Variants in SPARC observed in about 807,000 individuals in gnomAD.
The protein encoded by SPARC is basement-membrane protein 40.
A neutral mutation model predicts 37.7 loss-of-function variants in SPARC; 23 were observed. The ratio of observed to expected loss-of-function variants is 0.61; its 90% CI spans 0.44 to 0.87. The LOEUF is 0.87. SPARC is among the 40% of genes least tolerant of loss of function. SPARC has a pLI of 0.00. For synonymous variants in SPARC, 155 were observed against 150.8 expected (o/e 1.03, Z -0.20); for missense variants, 312 against 389.0 (o/e 0.80, Z 1.66).
intron 2 of SPARC, among the ~76,000 whole-genome samples, chr5:151,675,633 T>A (rs529222064): frequency 6.6e-6 from 1 of 152,298 alleles, no homozygotes; most frequent in Non-Finnish European, 1.5e-5. Flanking sequence ...CCTTTTCCAG[T>A]CCTCCCCAAG....
At chr5:151,666,264 G>T in intron 8 of SPARC, 97 bp downstream of exon 8, 1 of 1,246,800 alleles carries the variant, frequency 8.0e-7, no homozygotes. Flanking sequence ...GTGGATGCCA[G>T]GGCTTGGAGC....
chr5:151,667,270 G>A (rs565450743), intron 7 of SPARC, among the ~76,000 whole-genome samples, 197 bp downstream of exon 7: 7 of 152,326 alleles, frequency 4.6e-5, no homozygotes, highest in African/African-American at 1.7e-4. Flanking sequence ...GGTCTCTGCT[G>A]CAGGACTTCT....
chr5:151,676,059 G>A, intron 2 of SPARC, 73 bp downstream of exon 2: 1 of 1,274,690 alleles, frequency 7.8e-7, no homozygotes, highest in South Asian at 1.3e-5. Context: ...CAGCATCCAG[G>A]GCTGGCAGGC....
At chr5:151,664,739 T>C (rs1760587017) in intron 8 of SPARC, among the ~76,000 whole-genome samples, 1 of 152,148 alleles carries the variant, frequency 6.6e-6, no homozygotes, top group African/African-American at 2.4e-5. Context: ...TGCTGCCTTC[T>C]GGGGAGGAAT....
At chr5:151,663,945 C>T in intron 9 of SPARC, 142 bp downstream of exon 9, 1 of 987,740 alleles carries the variant, frequency 1.0e-6, no homozygotes, top group Non-Finnish European at 1.5e-6. Flanking sequence ...AGACAGGAGT[C>T]AAATAGGCAG....
chr5:151,682,303 T>C (rs1019955536), intron 1 of SPARC, among the ~76,000 whole-genome samples: 3 of 152,208 alleles, frequency 2.0e-5, no homozygotes, highest in Non-Finnish European at 4.4e-5. Context: ...CACATTTCAC[T>C]GTGGCTAGCA....
At chr5:151,680,527 T>C (rs757097073) in intron 1 of SPARC, among the ~76,000 whole-genome samples, 2 of 152,206 alleles carry the variant, frequency 1.3e-5, no homozygotes, top group Non-Finnish European at 2.9e-5. Flanking sequence ...TGAGCCACCA[T>C]GCCCATCTAT....
At chr5:151,665,929 T>C (rs762713666) in intron 8 of SPARC, among the ~76,000 whole-genome samples, 2 of 152,172 alleles carry the variant, frequency 1.3e-5, no homozygotes, top group African/African-American at 2.4e-5. Flanking sequence ...CCAGGGTCAG[T>C]TGGGCCCTAT....
In SPARC at chr5:151,680,335, CT is replaced by C. The variant is rs537211907; in HGVS notation, c.-13-4135del. Among the ~76,000 whole-genome samples the C allele has an allele frequency of 6.7e-4, 94 of 141,092 alleles. 1 individual carries two copies. Among genetic ancestry groups the C allele is most frequent in the Middle Eastern group, 3.9e-3 (1 of 254 alleles). 92.6% of individuals were successfully genotyped at this position (141,092 alleles called of 152,430 possible). ...CTCTGCCTCCTGGGCTCAAGTGATT[CT>C]CCCATCTCAGCCTCCCGAGTAGCTG... On this transcript the variant is annotated intron_variant, in intron 1 of 9. Coordinates refer to ENST00000231061, the MANE Select transcript of SPARC (RefSeq NM_003118.4).
At chr5:151,667,356 G>T in intron 7 of SPARC, 111 bp downstream of exon 7, 1 of 1,232,888 alleles carries the variant, frequency 8.1e-7, no homozygotes, top group Non-Finnish European at 1.2e-6. Context: ...GTGCTCAGGG[G>T]TAAATGCACG....
intron 4 of SPARC, 128 bp downstream of exon 4, chr5:151,673,001 T>A: frequency 1.4e-6 from 1 of 731,384 alleles, no homozygotes; most frequent in Non-Finnish European, 2.5e-6. Flanking sequence ...CCGTGTTTCC[T>A]TCATAGCCCA....
At chr5:151,673,368 G>A in intron 3 of SPARC, 152 bp from the exon 4 acceptor site, 2 of 670,232 alleles carry the variant, frequency 3.0e-6, no homozygotes, top group Non-Finnish European at 5.5e-6. Flanking sequence ...CAGTATGCCT[G>A]GGATTCTGTT....
intron 1 of SPARC, among the ~76,000 whole-genome samples, chr5:151,682,468 T>G (rs1301266328): frequency 1.3e-5 from 2 of 152,120 alleles, no homozygotes; most frequent in African/African-American, 4.8e-5. Flanking sequence ...ATAGCAAATA[T>G]GTGGCATATG....
At chr5:151,669,806 C>A (rs759963802) in intron 5 of SPARC, 22 bp from the exon 6 acceptor site, 3 of 1,613,430 alleles carry the variant, frequency 1.9e-6, no homozygotes, top group Non-Finnish European at 2.5e-6. Flanking sequence ...GCACAGAGTA[C>A]CCCCTCCTTC....
At chr5:151,667,281 C>G (rs1010910724) in intron 7 of SPARC, among the ~76,000 whole-genome samples, 186 bp downstream of exon 7, 1 of 152,206 alleles carries the variant, frequency 6.6e-6, no homozygotes, top group African/African-American at 2.4e-5. Flanking sequence ...CAGGACTTCT[C>G]AGAGCCTCTA....
At chr5:151,663,689 C>A in intron 9 of SPARC, 90 bp from the exon 10 acceptor site, 1 of 1,310,146 alleles carries the variant, frequency 7.6e-7, no homozygotes, top group Non-Finnish European at 1.1e-6. Context: ...CACCCATCCC[C>A]AGGGGCAGGG....
In SPARC at chr5:151,672,025, A is replaced by G. The variant is rs144484935; in HGVS notation, c.209-331T>C. 2.2e-3 allele frequency among the ~76,000 whole-genome samples: 337 copies of G among 152,272 alleles called. 1 individual carries two copies. The highest frequency in any genetic ancestry group is 3.4e-3 in the Non-Finnish European group (233 of 68,014). On this transcript the variant is annotated intron_variant, in intron 4 of 9. Coordinates refer to ENST00000231061, the MANE Select transcript of SPARC (RefSeq NM_003118.4). ...CATTGTGTTCCTGGGTCTCCATTGA[A>G]CAATCACAGTGGGGCATTTCTGGAT... is the stretch of plus-strand genomic sequence containing the variant.
At chr5:151,670,664 T>A (rs570530944) in intron 5 of SPARC, among the ~76,000 whole-genome samples, 1 of 151,988 alleles carries the variant, frequency 6.6e-6, no homozygotes, top group Admixed American at 6.6e-5. Flanking sequence ...AGCAGAGATG[T>A]TGAGGGCTGG....
chr5:151,678,125 A>G (rs2881558), intron 1 of SPARC, among the ~76,000 whole-genome samples: 107,641 of 151,996 alleles, frequency 0.71, 39,235 homozygotes, highest in African/African-American at 0.89. Flanking sequence ...AAAGTGAAAT[A>G]GCAGCTAAAA....
Sources: gnomAD v4.1 joint callset for allele counts (sites outside exome capture counted in the v4.1 genomes callset) on GRCh38, gnomAD v4.1.1 for gene constraint, MANE v1.5 for transcripts, NCBI Gene and HGNC (gene_info 2026-07-23, HGNC 2026-07-21) for gene names.